DCP1A: variants seen among roughly 807,000 people sequenced by gnomAD.
DCP1A encodes decapping mRNA 1A.
In DCP1A, 20 loss-of-function variants were observed where a neutral mutation model predicts 58.0. The ratio of observed to expected loss-of-function variants is 0.34; its 90% confidence interval spans 0.24 to 0.50. DCP1A has a LOEUF of 0.50. Among genes scored for constraint, DCP1A ranks in the 20% least tolerant of loss-of-function variants. The pLI is 0.98. For missense variants in DCP1A, 613 were observed against 712.2 expected (o/e 0.86, Z 1.59); for synonymous variants, 285 against 275.1 (o/e 1.04, Z -0.36).
chr3:53,326,199 A>G (rs782362848), intron 3 of DCP1A, among the ~76,000 whole-genome samples: 3 of 152,216 alleles, frequency 2.0e-5, no homozygotes, highest in Non-Finnish European at 2.9e-5. Flanking sequence ...TCCCATTAAC[A>G]TTATAATCTC....
In DCP1A at chr3:53,303,828, G is replaced by A. The variant is rs1169626189; in HGVS notation, c.624+349C>T. Among the ~76,000 whole-genome samples, 4 of 152,198 alleles carry A rather than the reference G, an allele frequency of 2.6e-5. No homozygotes were observed. In the East Asian group the frequency reaches 7.7e-4, roughly 29 times the overall value. ...GGGGCCAGATAAGGTAGGGCCTCGT[G>A]GGCCACTGTCATGATCCTGGCTATG... On this transcript the variant is annotated intron_variant, in intron 6 of 9. Coordinates refer to ENST00000610213, the MANE Select transcript of DCP1A (RefSeq NM_018403.7).
chr3:53,328,039 G>A (rs1445603976), intron 3 of DCP1A, among the ~76,000 whole-genome samples: 1 of 152,066 alleles, frequency 6.6e-6, no homozygotes, highest in Admixed American at 6.6e-5. Context: ...AGAATCACTT[G>A]AACCTGGGTG....
At chr3:53,324,906 T>C (rs550087411) in intron 3 of DCP1A, among the ~76,000 whole-genome samples, 4 of 152,000 alleles carry the variant, frequency 2.6e-5, no homozygotes, top group African/African-American at 9.6e-5. Flanking sequence ...TTAGGAGGTG[T>C]GATAGGACAT....
intron 8 of DCP1A, 156 bp downstream of exon 8, chr3:53,290,635 G>C: frequency 1.5e-6 from 1 of 686,680 alleles, no homozygotes; most frequent in South Asian, 1.6e-5. Flanking sequence ...GAAAGAGGGA[G>C]TCCTGGCTGG....
intron 3 of DCP1A, among the ~76,000 whole-genome samples, chr3:53,323,479 C>A (rs1708027799): frequency 6.6e-6 from 1 of 152,174 alleles, no homozygotes; most frequent in Non-Finnish European, 1.5e-5. Flanking sequence ...CTAATGAACA[C>A]CCCAAACACT....
rs782000948 is a variant in DCP1A at position 53,347,335 on chromosome 3, G to A, written c.135+48C>T. On this transcript the variant is annotated intron_variant, in intron 1 of 9. Transcript: ENST00000610213. ...ACAGTAACCCGCGCGGCCCCTTTAA[G>A]AGACGGCAGCGGCCGGGTGGCCGTC... 4.0e-6 allele frequency: 6 copies of A among 1,496,076 alleles called. No homozygotes were observed. The East Asian group carries it at 7.5e-5, about 19-fold the overall frequency. The allele number at this position is 1,496,076 out of a possible 1,614,324, so 92.7% of individuals were successfully genotyped here.
chr3:53,304,122 A>T, intron 6 of DCP1A, 55 bp downstream of exon 6: 1 of 1,333,302 alleles, frequency 7.5e-7, no homozygotes, highest in Non-Finnish European at 1.1e-6. Context: ...TAGAATCCTT[A>T]CTGAATGTTA....
At position 53,343,854 on chromosome 3, in the gene DCP1A, G is replaced by A. The variant is rs550044287; in HGVS notation, c.176+1048C>T. 5.9e-5 allele frequency among the ~76,000 whole-genome samples: 9 copies of A among 152,108 alleles called. No homozygotes were observed. The East Asian group carries it at 1.2e-3, about 20-fold the overall frequency. On this transcript the variant is annotated intron_variant, in intron 2 of 9. Coordinates refer to ENST00000610213, the MANE Select transcript of DCP1A (RefSeq NM_018403.7). The stretch of plus-strand genomic sequence containing the variant: ...TCTTGATCTCCTGACCTCGTGATCC[G>A]CCCACCTCGGCCTCCCAAAGTGCTG...
intron 5 of DCP1A, among the ~76,000 whole-genome samples, chr3:53,310,242 C>A (rs1349379251): frequency 6.6e-6 from 1 of 152,214 alleles, no homozygotes; most frequent in Non-Finnish European, 1.5e-5. Context: ...AAAACAGAAA[C>A]TATCATGCTA....
At chr3:53,345,610 A>C (rs1383323678) in intron 1 of DCP1A, among the ~76,000 whole-genome samples, 5 of 152,172 alleles carry the variant, frequency 3.3e-5, no homozygotes, top group African/African-American at 1.2e-4. Context: ...AAATAAGCTT[A>C]TTAGTCTGCA....
intron 3 of DCP1A, among the ~76,000 whole-genome samples, chr3:53,334,126 T>A (rs1270805409): frequency 6.6e-6 from 1 of 151,576 alleles, no homozygotes; most frequent in Non-Finnish European, 1.5e-5. Flanking sequence ...TAGCTGGGAG[T>A]GGTGGCGTGC....
chr3:53,345,932 G>A (rs2089286418), intron 1 of DCP1A, among the ~76,000 whole-genome samples: 1 of 152,114 alleles, frequency 6.6e-6, no homozygotes, highest in Non-Finnish European at 1.5e-5. Flanking sequence ...ATAATAAAGA[G>A]GGAAAAGATT....
At chr3:53,345,048 C>A (rs2089275831) in intron 1 of DCP1A, 106 bp from the exon 2 acceptor site, 3 of 878,674 alleles carry the variant, frequency 3.4e-6, no homozygotes, top group Non-Finnish European at 1.8e-6. Context: ...TGTTTCATTT[C>A]ATCTATTATA....
intron 6 of DCP1A, among the ~76,000 whole-genome samples, chr3:53,301,320 G>A (rs1553687384): frequency 1.3e-5 from 2 of 151,872 alleles, no homozygotes; most frequent in African/African-American, 4.8e-5. Flanking sequence ...TGCCCAGGCT[G>A]GAGTGCAATG....
At position 53,287,414 on chromosome 3, in the gene DCP1A, A is replaced by G. The variant is rs116121608; in HGVS notation, c.*166T>C. The G allele has an allele frequency of 5.0e-3, 1,626 of 322,490 alleles. 17 individuals are homozygous for G. Among genetic ancestry groups the G allele is most frequent in the African/African-American group, 0.038 (1,481 of 39,040 alleles). The allele number at this position is 322,490 out of a possible 1,614,324, so 20.0% of individuals were successfully genotyped here. A position where few individuals can be genotyped will look rare whatever the true frequency, so the allele number is the denominator to read the frequency against. On this transcript the variant is annotated 3_prime_UTR_variant, in exon 10 of 10. Transcript: ENST00000610213. ...GGTGATGCTTCACAGTGAAACCTCCATTATCACTGAGAATGTCACTTGGAA... is the reference window on the plus strand; with the variant it reads ...GGTGATGCTTCACAGTGAAACCTCCGTTATCACTGAGAATGTCACTTGGAA...
In DCP1A at chr3:53,292,822, A is replaced by G. The variant is rs1553686356; in HGVS notation, c.630T>C (p.Ala210=). The change falls in exon 7 of 10, where the codon GCT becomes GCC. Residue 210 remains alanine (A), a synonymous_variant. Transcript: ENST00000610213. ...CCGTCAGATGCTTGTGTCCAGATGGAGCAGACTGAAAAACAAATGAAACCA... is the reference window on the plus strand; with the variant it reads ...CCGTCAGATGCTTGTGTCCAGATGGGGCAGACTGAAAAACAAATGAAACCA... ...EMPSGSQDKS[A]PSGHKHLTVE... is the part of the protein sequence containing the mutation. The G allele has an allele frequency of 1.2e-6, 2 of 1,600,982 alleles. No homozygotes were observed. Among genetic ancestry groups the G allele is most frequent in the Non-Finnish European group, 1.7e-6 (2 of 1,177,268 alleles).
chr3:53,319,354 TA>T (rs1340787270), intron 4 of DCP1A, 52 bp downstream of exon 4: 1 of 1,145,090 alleles, frequency 8.7e-7, no homozygotes, highest in Non-Finnish European at 1.2e-6. Flanking sequence ...GGGAGGGGAT[TA>T]TTTTTCATTT....
rs1706508209 is a variant in DCP1A, at chr3:53,283,490, T to A, written c.*4090A>T. 6.6e-6 allele frequency: 1 copy of A among 152,226 alleles called. No homozygotes were observed. The highest frequency in any genetic ancestry group is 1.5e-5 in the Non-Finnish European group (1 of 68,036). 9.4% of individuals were successfully genotyped at this position (152,226 alleles called of 1,614,324 possible). ...AAATATATTTGCAAACATATAAAAT[T>A]TAAGATGAAAAACGCTCATTTTAAA... On this transcript the variant is annotated 3_prime_UTR_variant, in exon 10 of 10. Coordinates refer to ENST00000610213, the MANE Select transcript of DCP1A (RefSeq NM_018403.7).
At chr3:53,319,296 A>G (rs1188842483) in intron 4 of DCP1A, 111 bp downstream of exon 4, 1 of 644,226 alleles carries the variant, frequency 1.6e-6, no homozygotes, top group Non-Finnish European at 2.6e-6. Flanking sequence ...CAGTAAAAAG[A>G]AATTGGGGAA....
Sources: gnomAD v4.1 joint callset for allele counts (sites outside exome capture counted in the v4.1 genomes callset) on GRCh38, gnomAD v4.1.1 for gene constraint, MANE v1.5 for transcripts, NCBI Gene and HGNC (gene_info 2026-07-23, HGNC 2026-07-21) for gene names.